Variants in PLAC1 observed in about 807,000 individuals in gnomAD.
The protein encoded by PLAC1 is placenta associated 1.
For synonymous variants in PLAC1, 68 were observed against 62.1 expected, an observed-to-expected ratio of 1.09 and a Z score of -0.44; for missense variants, 136 against 163.2, an observed-to-expected ratio of 0.83 and a Z score of 0.91.
chrX:134,726,380 T>G (rs1335211340), intron 2 of PLAC1, among the ~76,000 whole-genome samples: 1 of 111,764 alleles, frequency 8.9e-6, no homozygotes, highest in African/African-American at 3.3e-5. Flanking sequence ...GCTCTCACAC[T>G]ACTGTAATTT....
chrX:134,724,359 A>G (rs1249784265), intron 2 of PLAC1, among the ~76,000 whole-genome samples: 2 of 112,065 alleles, frequency 1.8e-5, no homozygotes, highest in Non-Finnish European at 3.8e-5. Context: ...AAACTCCTCC[A>G]CCAGTTCCCT....
intron 1 of PLAC1, among the ~76,000 whole-genome samples, chrX:134,621,016 A>G (rs1315749825): frequency 1.8e-5 from 2 of 111,208 alleles, no homozygotes; most frequent in Non-Finnish European, 3.8e-5. Flanking sequence ...CACCCTTCAC[A>G]CCCAAGGGAA....
intron 1 of PLAC1, among the ~76,000 whole-genome samples, chrX:134,736,044 G>A (rs1047911043): frequency 2.7e-5 from 3 of 109,910 alleles, no homozygotes; most frequent in Non-Finnish European, 5.7e-5. Context: ...TTGGGAGGCC[G>A]AGGCAGGCGG....
At chrX:134,661,438 A>G (rs12861006), upstream of PLAC1, among the ~76,000 whole-genome samples, 2 of 111,673 alleles carry the variant, frequency 1.8e-5, no homozygotes, top group Non-Finnish European at 3.8e-5. Context: ...GAGGAAAATC[A>G]CAGCCCTGGG....
At chrX:134,651,195 A>T (rs941425926) in intron 1 of PLAC1, 11 of 251,593 alleles carry the variant, frequency 4.4e-5, no homozygotes, top group African/African-American at 2.8e-4. Context: ...CTGTACTCTG[A>T]TAGCTGCGTA....
chrX:134,565,979 C>T lies in PLAC1; in HGVS notation c.*65G>A, dbSNP rs2077871204. On this transcript the variant is annotated 3_prime_UTR_variant, in exon 3 of 3. Coordinates refer to ENST00000359237, the MANE Select transcript of PLAC1 (RefSeq NM_021796.4). ...GAGGGTCACAAGAGCACTTATTTGTCAGACATTTGTACACTATATACTAAT... is the reference window on the plus strand; with the variant it reads ...GAGGGTCACAAGAGCACTTATTTGTTAGACATTTGTACACTATATACTAAT... 1 of 997,209 alleles carries T rather than the reference C, an allele frequency of 1.0e-6. No individual in the cohort carries two copies. The highest frequency in any genetic ancestry group is 1.9e-5 in the African/African-American group (1 of 52,796). The allele number at this position is 997,209 out of a possible 1,213,427, so 82.2% of individuals were successfully genotyped here. A position where few individuals can be genotyped will look rare whatever the true frequency, so the allele number is the denominator to read the frequency against.
intron 1 of PLAC1, among the ~76,000 whole-genome samples, chrX:134,631,726 G>A (rs2078263269): frequency 9.0e-6 from 1 of 111,626 alleles, no homozygotes; most frequent in Non-Finnish European, 1.9e-5. Flanking sequence ...GCTGGGCTCT[G>A]GACTCAGCAG....
chrX:134,693,220 C>T (rs946360473), intron 2 of PLAC1, among the ~76,000 whole-genome samples: 5 of 111,216 alleles, frequency 4.5e-5, no homozygotes, highest in Non-Finnish European at 9.4e-5. Context: ...TCCCTGCTTC[C>T]ACCATCACTC....
At chrX:134,691,904 G>A (rs757458587) in intron 2 of PLAC1, among the ~76,000 whole-genome samples, 27 of 111,897 alleles carry the variant, frequency 2.4e-4, no homozygotes, top group Non-Finnish European at 4.9e-4. Flanking sequence ...TGTCAGCAAC[G>A]ACATCACTTT....
At chrX:134,632,630 A>G (rs2078267659) in intron 1 of PLAC1, among the ~76,000 whole-genome samples, 1 of 111,345 alleles carries the variant, frequency 9.0e-6, no homozygotes, top group Admixed American at 9.6e-5. Context: ...TCCCATCAAC[A>G]CACATTTCCT....
intron 1 of PLAC1, among the ~76,000 whole-genome samples, chrX:134,649,855 C>G (rs2078353745): frequency 8.9e-6 from 1 of 111,954 alleles, no homozygotes; most frequent in Admixed American, 9.4e-5. Context: ...CAGAAGCCAC[C>G]TCAGAAGCAA....
intron 1 of PLAC1, among the ~76,000 whole-genome samples, chrX:134,613,499 T>C (rs775327936): frequency 1.8e-5 from 2 of 110,997 alleles, no homozygotes; most frequent in South Asian, 7.7e-4. Context: ...CAAAAGACCC[T>C]CTGTGACTCC....
intron 2 of PLAC1, among the ~76,000 whole-genome samples, chrX:134,688,808 T>G (rs2078527059): frequency 8.9e-6 from 1 of 112,079 alleles, no homozygotes; most frequent in Non-Finnish European, 1.9e-5. Flanking sequence ...AATGAGAGTT[T>G]AACGGCCTCT....
intron 2 of PLAC1, among the ~76,000 whole-genome samples, chrX:134,695,513 C>T (rs2147824064): frequency 9.0e-6 from 1 of 111,576 alleles, no homozygotes; most frequent in Admixed American, 9.5e-5. Flanking sequence ...TTCAAAGGAC[C>T]CATTACCTTC....
At chrX:134,595,618 T>C (rs1298678828) in intron 2 of PLAC1, among the ~76,000 whole-genome samples, 5 of 64,677 alleles carry the variant, frequency 7.7e-5, no homozygotes, top group Non-Finnish European at 1.5e-4. Context: ...ATAATGTGTG[T>C]ATATATATAT....
rs773683190 is a variant in PLAC1 at position 134,578,418 on chromosome X, A to G, written c.-58-11678T>C. On this transcript the variant is annotated intron_variant, in intron 2 of 2. Transcript: ENST00000359237. ...ACAGAGCAAGACTCTGTCTCAAAAAAAAAAAAAAAAAGAAAAGAAAAAAAA... is the reference window on the plus strand; with the variant it reads ...ACAGAGCAAGACTCTGTCTCAAAAAGAAAAAAAAAAAGAAAAGAAAAAAAA... Among the ~76,000 whole-genome samples the G allele has an allele frequency of 7.5e-5, 3 of 40,018 alleles. No individual in the cohort carries two copies. In the South Asian group the frequency reaches 6.7e-3, roughly 89 times the overall value. 34.8% of individuals were successfully genotyped at this position (40,018 alleles called of 115,157 possible).
chrX:134,625,769 A>G, intron 1 of PLAC1, among the ~76,000 whole-genome samples: 1 of 110,698 alleles, frequency 9.0e-6, no homozygotes, highest in Non-Finnish European at 1.9e-5. Flanking sequence ...TTTAACCCTA[A>G]CCAAGGCGAG....
intron 2 of PLAC1, among the ~76,000 whole-genome samples, chrX:134,698,528 A>G (rs2078572415): frequency 8.9e-6 from 1 of 112,219 alleles, no homozygotes; most frequent in Admixed American, 9.4e-5. Flanking sequence ...TCATCTTATT[A>G]GGATAAATTG....
chrX:134,650,572 TC>T (rs763117480), intron 1 of PLAC1, among the ~76,000 whole-genome samples: 362 of 111,668 alleles, frequency 3.2e-3, no homozygotes, highest in African/African-American at 0.011. Context: ...ATAAGAAGGC[TC>T]CAGGTCTGTC....
Sources: gnomAD v4.1 joint callset for allele counts (sites outside exome capture counted in the v4.1 genomes callset) on GRCh38, gnomAD v4.1.1 for gene constraint, MANE v1.5 for transcripts, NCBI Gene and HGNC (gene_info 2026-07-23, HGNC 2026-07-21) for gene names.